The following WNT8A variants were observed in gnomAD, a reference collection of about 807,000 sequenced individuals.
WNT8A encodes the protein Wnt family member 8A, also known as protein Wnt-8a.
In WNT8A, 14 loss-of-function variants were observed where a neutral mutation model predicts 20.5. The ratio of observed to expected loss-of-function variants is 0.68; its 90% CI spans 0.45 to 1.07. The LOEUF is 1.07. Ranked by LOEUF, WNT8A falls within the 50% of genes least tolerant of loss-of-function variation. The pLI is 0.00. For synonymous variants in WNT8A, 167 were observed against 169.2 expected (o/e 0.99, Z 0.10); for missense variants, 397 against 462.9 (o/e 0.86, Z 1.31).
rs749916327 is a variant in WNT8A, at chr5:138,090,812, G to T, written c.849G>T (p.Leu283=). The part of the protein sequence containing the change: ...SPDYCTCNSS[L]GIYGTEGREC... ...ATTACTGTACCTGCAATTCCAGCCT[G>T]GGCATCTATGGCACAGAGGGTCGTG... Residue 283 remains leucine, a synonymous_variant, in exon 5 of 5, where the codon CTG becomes CTT. Transcript: ENST00000506684. The T allele has an allele frequency of 6.2e-7, 1 of 1,614,208 alleles. No homozygotes were observed. The highest frequency in any genetic ancestry group is 1.1e-5 in the South Asian group (1 of 91,078).
chr5:138,082,901 A>G (rs1433831116), upstream of WNT8A, among the ~76,000 whole-genome samples: 1 of 139,782 alleles, frequency 7.2e-6, no homozygotes, highest in Non-Finnish European at 1.6e-5. Context: ...ATAAATAAAT[A>G]AATAAATAAA....
At position 138,090,979 on chromosome 5, in the gene WNT8A, C is replaced by A. The variant is rs7701579; in HGVS notation, c.1016C>A (p.Thr339Lys). 2.5e-6 allele frequency: 4 copies of A among 1,614,168 alleles called. No homozygotes were observed. Among genetic ancestry groups the A allele is most frequent in the Non-Finnish European group, 1.7e-6 (2 of 1,180,024 alleles). The change falls in exon 5 of 5, where the codon ACG (threonine) becomes AAG (lysine). Residue 339 changes from threonine to lysine, a missense_variant. Thr to Lys is a moderately conservative substitution (Grantham distance 78, BLOSUM62 -1). Transcript: ENST00000506684. ...AACTGCAAATTCCAGTGGTGCTGTA[C>A]GGTCAAGTGTGACCAGTGTAGGCAT... Reference protein sequence around the residue: ...SCNCKFQWCCTVKCDQCRHVV... With the variant: ...SCNCKFQWCCKVKCDQCRHVV...
rs764305356 is a variant in WNT8A, at chr5:138,087,915, A to C, written c.405A>C (p.Ser135=). 1.9e-6 allele frequency: 3 copies of C among 1,613,762 alleles called. No individual in the cohort carries two copies. Among genetic ancestry groups the C allele is most frequent in the Non-Finnish European group, 1.7e-6 (2 of 1,179,830 alleles). ...TCGAAAACTGTGGCTGTGATGGGTC[A>C]AACAATGGAAAAACAGGTAAGTTGA... ...GDFENCGCDG[S]NNGKTGGHGW... is the part of the protein sequence containing the mutation. Residue 135 remains serine, a synonymous_variant, in exon 3 of 5, where the codon TCA becomes TCC. Transcript: ENST00000506684.
intron 2 of WNT8A, among the ~76,000 whole-genome samples, chr5:138,087,458 T>C (rs1750702338): frequency 6.6e-6 from 1 of 150,526 alleles, no homozygotes; most frequent in Admixed American, 6.6e-5. Flanking sequence ...ATCGAGACCA[T>C]CCTGGTCAAC....
chr5:138,091,219 G>C lies in WNT8A; in HGVS notation c.*146G>C, dbSNP rs1466259663. 3 of 1,544,652 alleles carry C rather than the reference G, an allele frequency of 1.9e-6. No individual in the cohort carries two copies. The highest frequency in any genetic ancestry group is 2.6e-6 in the Non-Finnish European group (3 of 1,157,476). ...GATATCTGCTATCAGTGGGGAAAAT[G>C]GAGGCCCAAGATTCTACAGCATATT... On this transcript the variant is annotated 3_prime_UTR_variant, in exon 5 of 5. Transcript: ENST00000506684.
intron 1 of WNT8A, 100 bp from the exon 2 acceptor site, chr5:138,084,398 G>A: frequency 1.3e-6 from 2 of 1,550,346 alleles, no homozygotes; most frequent in African/African-American, 1.4e-5. Flanking sequence ...ACCCATGGTT[G>A]ATTCTTAATG....
intron 4 of WNT8A, among the ~76,000 whole-genome samples, chr5:138,089,669 G>A (rs1166153322): frequency 6.6e-6 from 1 of 152,108 alleles, no homozygotes; most frequent in East Asian, 1.9e-4. Flanking sequence ...TTTTGGGCTT[G>A]GGGTTTTTTT....
chr5:138,084,116 A>C lies in WNT8A; in HGVS notation c.-12A>C, dbSNP rs1750580795. The C allele has an allele frequency of 6.2e-7, 1 of 1,614,018 alleles. No individual in the cohort carries two copies. The highest frequency in any genetic ancestry group is 1.3e-5 in the African/African-American group (1 of 74,928). On this transcript the variant is annotated 5_prime_UTR_variant, in exon 1 of 5. Coordinates refer to ENST00000506684, the MANE Select transcript of WNT8A (RefSeq NM_001300939.2). Reference sequence around the variant, plus strand: ...TGGGGAACCTGTTTATGCTCTGGGCAGCTCTGGGCATATGCTGTGCTGCAT... The same window carrying C: ...TGGGGAACCTGTTTATGCTCTGGGCCGCTCTGGGCATATGCTGTGCTGCAT...
upstream of WNT8A, among the ~76,000 whole-genome samples, chr5:138,082,912 T>TA (rs1750545541): frequency 1.4e-5 from 2 of 140,334 alleles, no homozygotes; most frequent in African/African-American, 2.7e-5. Context: ...AATAAATAAA[T>TA]AAATAAATAA....
At chr5:138,079,471 T>C (rs771995776), upstream of WNT8A, among the ~76,000 whole-genome samples, 1 of 151,884 alleles carries the variant, frequency 6.6e-6, no homozygotes, top group Non-Finnish European at 1.5e-5. Flanking sequence ...ACCCATTATA[T>C]CTATATGACA....
rs762599202 is a variant in WNT8A, at chr5:138,084,075, G to A, written c.-53G>A. 22 of 1,610,102 alleles carry A rather than the reference G, an allele frequency of 1.4e-5. No individual in the cohort carries two copies. Among genetic ancestry groups the A allele is most frequent in the Non-Finnish European group, 1.9e-5 (22 of 1,177,192 alleles). On this transcript the variant is annotated 5_prime_UTR_variant, in exon 1 of 5. Transcript: ENST00000506684. ...GGCCCTGAGCTGGACCTGGTCCACT[G>A]GGGTAGGCAGGGCGATGGGGAACCT...
chr5:138,091,103 T>C lies in WNT8A; in HGVS notation c.*30T>C. 3 of 1,591,962 alleles carry C rather than the reference T, an allele frequency of 1.9e-6. No individual in the cohort carries two copies. The highest frequency in any genetic ancestry group is 2.6e-6 in the Non-Finnish European group (3 of 1,169,206). ...ACCCCACACAAGTTCACTTGATTAATTGCATCAGTGGAAGGGGACATAGCT... is the reference window on the plus strand; with the variant it reads ...ACCCCACACAAGTTCACTTGATTAACTGCATCAGTGGAAGGGGACATAGCT... On this transcript the variant is annotated 3_prime_UTR_variant, in exon 5 of 5. Transcript: ENST00000506684.
At chr5:138,090,156 G>C (rs1285435716) in intron 4 of WNT8A, among the ~76,000 whole-genome samples, 1 of 152,132 alleles carries the variant, frequency 6.6e-6, no homozygotes, top group East Asian at 1.9e-4. Context: ...AATTTACATA[G>C]TACTTCCTTG....
Position 138,084,297 on chromosome 5 carries a change from C to T in WNT8A, c.156+14C>T. 6.2e-7 allele frequency: 1 copy of T among 1,613,718 alleles called. No homozygotes were observed. On this transcript the variant is annotated intron_variant, in intron 1 of 4. Transcript: ENST00000506684. Reference sequence around the variant, plus strand: ...ACAGGTCCCAAGGTAGGATGATCTCCAGCTTCTGTTTTTACCCACTGAGGG... The same window carrying T: ...ACAGGTCCCAAGGTAGGATGATCTCTAGCTTCTGTTTTTACCCACTGAGGG...
At chr5:138,079,114 G>A (rs1750439315), upstream of WNT8A, among the ~76,000 whole-genome samples, 1 of 151,950 alleles carries the variant, frequency 6.6e-6, no homozygotes, top group Non-Finnish European at 1.5e-5. Flanking sequence ...CAATTATTGG[G>A]TGTTAAATTC....
chr5:138,080,705 A>C (rs1750490822), upstream of WNT8A, among the ~76,000 whole-genome samples: 1 of 151,740 alleles, frequency 6.6e-6, no homozygotes, highest in Admixed American at 6.6e-5. Context: ...AGCTCAGGCG[A>C]TCCTCCCCAC....
upstream of WNT8A, among the ~76,000 whole-genome samples, chr5:138,079,647 A>G (rs533294257): frequency 1.3e-5 from 2 of 152,286 alleles, no homozygotes; most frequent in Admixed American, 6.5e-5. Flanking sequence ...CCAGGGCTTT[A>G]GAGATACTAC....
At chr5:138,091,596 C>A, downstream of WNT8A, 2 of 919,130 alleles carry the variant, frequency 2.2e-6, no homozygotes, top group Non-Finnish European at 2.9e-6. Flanking sequence ...ATTTTTTATC[C>A]CCCAAGTATG....
intron 4 of WNT8A, 50 bp downstream of exon 4, chr5:138,089,119 G>GC (rs1408385314): frequency 1.9e-6 from 3 of 1,584,324 alleles, no homozygotes; most frequent in Non-Finnish European, 2.6e-6. Context: ...CATCTGCCCG[G>GC]CCCTTCACAA....
Sources: allele counts gnomAD v4.1 joint callset (sites outside exome capture counted in the v4.1 genomes callset), GRCh38; gene constraint gnomAD v4.1.1; transcripts MANE v1.5; gene names NCBI Gene and HGNC (gene_info 2026-07-23, HGNC 2026-07-21).